Variants in TBCK observed in about 807,000 individuals in gnomAD.
TBCK encodes the protein TBC domain-containing protein kinase-like protein.
Under a neutral mutation model 113.4 loss-of-function variants are expected in TBCK, and 99 were observed. The ratio of observed to expected loss-of-function variants is 0.87; its 90% confidence interval spans 0.74 to 1.03. The LOEUF (loss-of-function observed/expected upper bound fraction) is 1.03, where lower values mean the gene tolerates loss of function less well. Ranked by LOEUF, TBCK falls within the 50% of genes least tolerant of loss-of-function variation. The probability of loss-of-function intolerance (pLI) is 0.00; values close to 1 mark genes in which losing one functional copy is unlikely to be tolerated. For synonymous variants in TBCK, 369 were observed against 370.8 expected, an observed-to-expected ratio of 1.00 and a Z score of 0.05; for missense variants, 1,045 against 1,061.3, an observed-to-expected ratio of 0.98 and a Z score of 0.21.
At chr4:106,198,393 A>G (rs1360624573) in intron 20 of TBCK, among the ~76,000 whole-genome samples, 3 of 152,078 alleles carry the variant, frequency 2.0e-5, no homozygotes, top group Non-Finnish European at 4.4e-5. Flanking sequence ...TTTGCACCTT[A>G]CTACTTCCCT....
At chr4:106,159,242 G>A (rs1378383082) in intron 23 of TBCK, among the ~76,000 whole-genome samples, 2 of 152,088 alleles carry the variant, frequency 1.3e-5, no homozygotes, top group African/African-American at 4.8e-5. Flanking sequence ...AAACAAGGAT[G>A]CCTGCTTTTG....
At chr4:106,184,073 TA>T (rs1223127989) in intron 22 of TBCK, among the ~76,000 whole-genome samples, 4 of 152,048 alleles carry the variant, frequency 2.6e-5, no homozygotes, top group African/African-American at 9.7e-5. Flanking sequence ...CACCAAAGCC[TA>T]ACTGACTACA....
chr4:106,244,912 T>C (rs1760598985), intron 10 of TBCK, 148 bp from the exon 11 acceptor site: 1 of 520,396 alleles, frequency 1.9e-6, no homozygotes, highest in Admixed American at 3.8e-5. Flanking sequence ...AGCCTGAAAT[T>C]TGCTACTCCA....
chr4:106,248,442 T>C (rs1761076400), intron 8 of TBCK, 136 bp from the exon 9 acceptor site: 10 of 604,624 alleles, frequency 1.7e-5, no homozygotes. Flanking sequence ...TTAGTCACTG[T>C]GAAAAAGCAA....
At chr4:106,198,397 C>G (rs570025720) in intron 20 of TBCK, among the ~76,000 whole-genome samples, 1 of 151,916 alleles carries the variant, frequency 6.6e-6, no homozygotes, top group Non-Finnish European at 1.5e-5. Flanking sequence ...CACCTTACTA[C>G]TTCCCTACAC....
At chr4:106,210,701 T>C (rs1756027736) in intron 20 of TBCK, among the ~76,000 whole-genome samples, 1 of 152,146 alleles carries the variant, frequency 6.6e-6, no homozygotes, top group South Asian at 2.1e-4. Flanking sequence ...TTTACACAGA[T>C]TTATAAACTT....
At chr4:106,189,379 C>G (rs116849214) in intron 22 of TBCK, among the ~76,000 whole-genome samples, 1 of 148,724 alleles carries the variant, frequency 6.7e-6, no homozygotes, top group Admixed American at 6.7e-5. Flanking sequence ...ACATGCATGA[C>G]ATGCATGAAT....
chr4:106,215,311 G>A (rs1000362463), intron 19 of TBCK, among the ~76,000 whole-genome samples: 10 of 150,998 alleles, frequency 6.6e-5, no homozygotes, highest in Non-Finnish European at 1.2e-4. Flanking sequence ...CATCAACTAA[G>A]GAGCAAAATA....
At chr4:106,241,187 T>A (rs1328537071) in intron 12 of TBCK, among the ~76,000 whole-genome samples, 6 of 151,768 alleles carry the variant, frequency 4.0e-5, no homozygotes, top group African/African-American at 1.4e-4. Flanking sequence ...AATAATAAAT[T>A]ACCTTAGAAA....
At chr4:106,225,704 T>C (rs1423259915) in intron 19 of TBCK, among the ~76,000 whole-genome samples, 1 of 151,884 alleles carries the variant, frequency 6.6e-6, no homozygotes, top group African/African-American at 2.4e-5. Flanking sequence ...TGATCTGCCC[T>C]CCTCGGCCTC....
At chr4:106,215,478 G>A (rs1014543690) in intron 19 of TBCK, among the ~76,000 whole-genome samples, 9 of 152,076 alleles carry the variant, frequency 5.9e-5, no homozygotes, top group East Asian at 3.9e-4. Flanking sequence ...CCAATCTCAC[G>A]TGCAGAGACA....
chr4:106,109,274 T>C (rs965275334), intron 24 of TBCK, among the ~76,000 whole-genome samples: 1 of 152,056 alleles, frequency 6.6e-6, no homozygotes, highest in African/African-American at 2.4e-5. Flanking sequence ...GAAAAAACTA[T>C]TTTAAAATTC....
intron 1 of TBCK, among the ~76,000 whole-genome samples, chr4:106,315,243 G>A (rs1325589214): frequency 6.6e-6 from 1 of 152,016 alleles, no homozygotes; most frequent in Non-Finnish European, 1.5e-5. Context: ...CCTATTTTAA[G>A]TCAGTTGTTT....
rs534433293 is a variant in TBCK, at chr4:106,254,504, T to A, written c.456-2497A>T. On this transcript the variant is annotated intron_variant, in intron 5 of 25. Coordinates refer to ENST00000394708, the MANE Select transcript of TBCK (RefSeq NM_001163435.3). The stretch of plus-strand genomic sequence containing the variant: ...ACTCTGTGGTTTTGTCTTTTCTTTC[T>A]CTTTACGGTATCTGTTTATGAATGA... Among the ~76,000 whole-genome samples, 49 of 152,362 alleles carry A rather than the reference T, an allele frequency of 3.2e-4. 2 individuals carry two copies. In the South Asian group the frequency reaches 9.9e-3, roughly 31 times the overall value.
At chr4:106,081,344 A>G (rs1738853999) in intron 25 of TBCK, among the ~76,000 whole-genome samples, 1 of 152,206 alleles carries the variant, frequency 6.6e-6, no homozygotes, top group African/African-American at 2.4e-5. Context: ...CAGCCATAAA[A>G]AGGAATGAGA....
At chr4:106,237,676 A>G (rs969782936) in intron 12 of TBCK, 7 of 372,242 alleles carry the variant, frequency 1.9e-5, no homozygotes, top group African/African-American at 1.5e-4. Context: ...CAAACTAAGA[A>G]TTCAGCAAAC....
chr4:106,277,054 T>A (rs927407183), intron 3 of TBCK, among the ~76,000 whole-genome samples: 1 of 152,098 alleles, frequency 6.6e-6, no homozygotes, highest in Non-Finnish European at 1.5e-5. Context: ...CAAATACATA[T>A]GTGATGATAT....
chr4:106,162,093 G>A (rs569882988), intron 23 of TBCK, among the ~76,000 whole-genome samples: 111 of 152,188 alleles, frequency 7.3e-4, no homozygotes, highest in South Asian at 1.9e-3. Flanking sequence ...GATACAATGG[G>A]GGTACAGGCA....
intron 25 of TBCK, among the ~76,000 whole-genome samples, chr4:106,063,506 T>C (rs1184313954): frequency 6.6e-6 from 1 of 151,922 alleles, no homozygotes; most frequent in Non-Finnish European, 1.5e-5. Flanking sequence ...CTTATGAAGT[T>C]ATTTTGACTC....
Sources: gnomAD v4.1 joint callset for allele counts (sites outside exome capture counted in the v4.1 genomes callset) on GRCh38, gnomAD v4.1.1 for gene constraint, MANE v1.5 for transcripts, NCBI Gene and HGNC (gene_info 2026-07-23, HGNC 2026-07-21) for gene names.